Variants in SLC6A9 observed in about 807,000 individuals in gnomAD.
SLC6A9 encodes the protein sodium- and chloride-dependent glycine transporter 1.
SLC6A9 carries 31 observed loss-of-function variants against 70.9 expected under a neutral mutation model. That is an observed-to-expected ratio of 0.44 (90% CI 0.33 to 0.59). The LOEUF (loss-of-function observed/expected upper bound fraction) is 0.59. Ranked by LOEUF, SLC6A9 falls within the 20% of genes least tolerant of loss-of-function variation. The pLI, the probability that SLC6A9 is intolerant of heterozygous loss-of-function variation, is 0.04. For synonymous variants in SLC6A9, 310 were observed against 341.3 expected, an observed-to-expected ratio of 0.91 and a Z score of 1.01; for missense variants, 631 against 845.2, an observed-to-expected ratio of 0.75 and a Z score of 3.14.
chr1:44,026,987 G>A (rs551471702), intron 1 of SLC6A9, among the ~76,000 whole-genome samples: 5 of 152,302 alleles, frequency 3.3e-5, no homozygotes, highest in African/African-American at 1.2e-4. Context: ...CTTCATGGCG[G>A]CTTCCAGGAG....
intron 1 of SLC6A9, among the ~76,000 whole-genome samples, chr1:44,025,670 G>T (rs1253983531): frequency 6.6e-6 from 1 of 151,990 alleles, no homozygotes; most frequent in Non-Finnish European, 1.5e-5. Flanking sequence ...CATGGTGGCA[G>T]GTGCCTGTAA....
At chr1:44,001,137 C>T (rs1476411766) in intron 10 of SLC6A9, 27 bp downstream of exon 10, 1 of 1,614,002 alleles carries the variant, frequency 6.2e-7, no homozygotes, top group Non-Finnish European at 8.5e-7. Context: ...CAACTCTGGG[C>T]CAGCCCTTCC....
At chr1:44,029,840 G>A (rs1557699424) in intron 1 of SLC6A9, among the ~76,000 whole-genome samples, 1 of 152,186 alleles carries the variant, frequency 6.6e-6, no homozygotes, top group Non-Finnish European at 1.5e-5. Flanking sequence ...TTAGTCCCTA[G>A]AACCAGTCCC....
Position 44,002,655 on chromosome 1 carries a change from A to G in SLC6A9, c.724-9T>C. ...GCCGTGAAGTACACCACCTGGCACA[A>G]GAGGGCTCCATGGACTCTTCTGGGC... On this transcript the variant is annotated splice_polypyrimidine_tract_variant and intron_variant, in intron 6 of 13. Transcript: ENST00000372310. The surrounding 1 kb of genome is among the most constrained non-coding windows in gnomAD (Gnocchi z 5.5). 1 of 1,614,050 alleles carries G rather than the reference A, an allele frequency of 6.2e-7. No individual in the cohort carries two copies. Among genetic ancestry groups the G allele is most frequent in the Non-Finnish European group, 8.5e-7 (1 of 1,179,960 alleles).
chr1:43,996,485 A>C lies in SLC6A9; in HGVS notation c.*1060T>G, dbSNP rs1393264728. On this transcript the variant is annotated 3_prime_UTR_variant, in exon 14 of 14. Transcript: ENST00000372310. ...CCCAGACAAAGCACAGCAGCCGCTCAGAGACAGGAATAGAAATTTCATTAA... is the reference window on the plus strand; with the variant it reads ...CCCAGACAAAGCACAGCAGCCGCTCCGAGACAGGAATAGAAATTTCATTAA... The C allele has an allele frequency of 2.9e-6, 1 of 344,314 alleles. No individual in the cohort carries two copies. Among genetic ancestry groups the C allele is most frequent in the African/African-American group, 2.1e-5 (1 of 47,286 alleles). 21.3% of individuals were successfully genotyped at this position (344,314 alleles called of 1,614,324 possible). A position where few individuals can be genotyped will look rare whatever the true frequency, so the allele number is the denominator to read the frequency against.
intron 2 of SLC6A9, 129 bp downstream of exon 2, chr1:44,024,119 G>A (rs924440572): frequency 2.5e-5 from 23 of 909,550 alleles, no homozygotes; most frequent in Middle Eastern, 2.2e-4. Context: ...TGCCCAGGCC[G>A]GGGTCAGCTG....
At chr1:44,010,456 C>T (rs1012078532) in intron 3 of SLC6A9, 11 of 54,802 alleles carry the variant, frequency 2.0e-4, no homozygotes, top group East Asian at 3.6e-4. Flanking sequence ...GCCTTGTGGG[C>T]GGGGGGGGGG....
chr1:44,011,829 A>G (rs2086583084), intron 2 of SLC6A9: 3 of 1,115,808 alleles, frequency 2.7e-6, no homozygotes, highest in African/African-American at 3.1e-5. Context: ...CCCACTGAGG[A>G]CAGCCCCTTG....
chr1:44,022,722 C>CTTTTTTTTTTTTTTTTTTTTTTTTTTTT (rs71307650), intron 2 of SLC6A9, among the ~76,000 whole-genome samples: 5 of 118,954 alleles, frequency 4.2e-5, no homozygotes, highest in Non-Finnish European at 6.6e-5. Context: ...TTCTTTCTTT[C>CTTTTTTTTTTTTTTTTTTTTTTTTTTTT]TTTTTTTTTT....
chr1:44,005,219 C>T (rs2086266202), intron 5 of SLC6A9, among the ~76,000 whole-genome samples: 1 of 152,072 alleles, frequency 6.6e-6, no homozygotes, highest in Non-Finnish European at 1.5e-5. Flanking sequence ...CCACAGGGAC[C>T]GCAGAGGTGA....
In SLC6A9 at chr1:44,002,462, C is replaced by T; in HGVS notation, c.859-46G>A. ...GTGAGGAGCTGTGGGCAGAGGCAGGCACCTCCCTGGCCCCTCCCCAGCCCC... is the reference window on the plus strand; with the variant it reads ...GTGAGGAGCTGTGGGCAGAGGCAGGTACCTCCCTGGCCCCTCCCCAGCCCC... On this transcript the variant is annotated intron_variant, in intron 7 of 13. Coordinates refer to ENST00000372310, the MANE Select transcript of SLC6A9 (RefSeq NM_001024845.3). The surrounding 1 kb of genome is among the most constrained non-coding windows in gnomAD (Gnocchi z 5.5). 1 of 1,612,882 alleles carries T rather than the reference C, an allele frequency of 6.2e-7. No homozygotes were observed. The highest frequency in any genetic ancestry group is 1.1e-5 in the South Asian group (1 of 91,050).
At chr1:44,003,369 G>A (rs1187967107) in intron 5 of SLC6A9, among the ~76,000 whole-genome samples, 2 of 152,236 alleles carry the variant, frequency 1.3e-5, no homozygotes, top group Non-Finnish European at 2.9e-5. Context: ...TCTGTCAGGT[G>A]TCACCTCCTC....
Position 44,025,794 on chromosome 1 carries a change from C to T in SLC6A9, c.-85-1432G>A, listed in dbSNP as rs542325302. ...TAGCTTGGGTGACAGAGCAAGACTC[C>T]GTCTCAAAAAAAAAAAAAAAGAATT... On this transcript the variant is annotated intron_variant, in intron 1 of 13. Transcript: ENST00000372310. Among the ~76,000 whole-genome samples the T allele has an allele frequency of 1.9e-4, 29 of 150,376 alleles. No homozygotes were observed. In the East Asian group the frequency reaches 4.3e-3, roughly 22 times the overall value.
chr1:44,011,168 G>A (rs1393891369), intron 2 of SLC6A9, among the ~76,000 whole-genome samples: 5 of 152,218 alleles, frequency 3.3e-5, no homozygotes, highest in Non-Finnish European at 1.5e-5. Flanking sequence ...GGACACTGAA[G>A]AGGGAGCTAG....
chr1:44,014,964 A>G (rs1317394598), intron 2 of SLC6A9: 1 of 152,172 alleles, frequency 6.6e-6, no homozygotes, highest in African/African-American at 2.4e-5. Flanking sequence ...TTCCCAGGCT[A>G]GATAGCCTCT....
At chr1:44,017,413 T>A in intron 2 of SLC6A9, 1 of 1,116,212 alleles carries the variant, frequency 9.0e-7, no homozygotes, top group South Asian at 2.0e-5. Context: ...ACACACAGAC[T>A]GGGGCAGAGC....
rs888564076 is a variant in SLC6A9, at chr1:44,001,688, T to C, written c.963-61A>G. On this transcript the variant is annotated intron_variant, in intron 8 of 13. Transcript: ENST00000372310. The stretch of plus-strand genomic sequence containing the variant: ...CCCCAATTTGGGCCAAGAGGAGACA[T>C]GGAGACACGGAAAGTTCTAGGTACA... 182 of 1,325,560 alleles carry C rather than the reference T, an allele frequency of 1.4e-4. 1 individual carries two copies. In the African/African-American group the frequency reaches 2.1e-3, roughly 16 times the overall value. 82.1% of individuals were successfully genotyped at this position (1,325,560 alleles called of 1,614,324 possible).
chr1:43,998,988 G>GGA (rs1553160186), intron 12 of SLC6A9, among the ~76,000 whole-genome samples: 1 of 151,368 alleles, frequency 6.6e-6, no homozygotes, highest in Non-Finnish European at 1.5e-5. Flanking sequence ...GGGAAGGGGG[G>GGA]GGGCAGTCCC....
chr1:44,028,941 T>C (rs2087038355), intron 1 of SLC6A9, among the ~76,000 whole-genome samples: 1 of 152,128 alleles, frequency 6.6e-6, no homozygotes, highest in Non-Finnish European at 1.5e-5. Context: ...CGAGACTTGG[T>C]GATGAATCGG....
Sources: allele counts gnomAD v4.1 joint callset (sites outside exome capture counted in the v4.1 genomes callset), GRCh38; gene constraint gnomAD v4.1.1; non-coding constraint Gnocchi (gnomAD v3.1); transcripts MANE v1.5; gene names NCBI Gene and HGNC (gene_info 2026-07-23, HGNC 2026-07-21).